The following HMBOX1 variants were observed in gnomAD, a reference collection of about 807,000 sequenced individuals.
HMBOX1 encodes homeobox containing 1.
Under a neutral mutation model 54.5 loss-of-function variants are expected in HMBOX1, and 14 were observed. That is an observed-to-expected ratio of 0.26 (90% CI 0.17 to 0.40). The LOEUF is 0.40. Ranked by LOEUF, HMBOX1 falls within the 10% of genes least tolerant of loss-of-function variation. HMBOX1 has a pLI of 1.00. For synonymous variants in HMBOX1, 160 were observed against 181.0 expected (o/e 0.88, Z 0.93); for missense variants, 332 against 514.4 (o/e 0.65, Z 3.43).
intron 1 of HMBOX1, chr8:28,924,786 A>G (rs1233101544): frequency 6.6e-6 from 1 of 151,486 alleles, no homozygotes; most frequent in East Asian, 1.9e-4. Context: ...CTAATTTTGT[A>G]TTTTTAGTAG....
At chr8:28,945,951 T>C (rs1352766636) in intron 1 of HMBOX1, among the ~76,000 whole-genome samples, 1 of 151,110 alleles carries the variant, frequency 6.6e-6, no homozygotes, top group African/African-American at 2.4e-5. Flanking sequence ...ATTCTTTTTT[T>C]TTTTTTTTTT....
At chr8:28,998,856 G>C (rs1026889529) in intron 4 of HMBOX1, among the ~76,000 whole-genome samples, 2 of 151,840 alleles carry the variant, frequency 1.3e-5, no homozygotes, top group African/African-American at 4.8e-5. Flanking sequence ...CTTAATTTAT[G>C]ACAATTAATA....
At chr8:28,971,086 CTTT>C (rs146543031) in intron 3 of HMBOX1, among the ~76,000 whole-genome samples, 1,743 of 83,190 alleles carry the variant, frequency 0.021, 61 homozygotes, top group African/African-American at 0.068. Flanking sequence ...AAGAAATCTA[CTTT>C]TTTTTTTTTT....
chr8:29,012,253 G>A (rs1055868639), intron 5 of HMBOX1, among the ~76,000 whole-genome samples: 1 of 152,118 alleles, frequency 6.6e-6, no homozygotes, highest in Non-Finnish European at 1.5e-5. Context: ...AAAGAATTTG[G>A]AGCTACTATT....
At chr8:28,892,531 C>T (rs1394954366) in intron 1 of HMBOX1, among the ~76,000 whole-genome samples, 3 of 152,030 alleles carry the variant, frequency 2.0e-5, no homozygotes, top group Admixed American at 2.0e-4. Flanking sequence ...TGAATATATT[C>T]CCCAAACTTA....
intron 1 of HMBOX1, among the ~76,000 whole-genome samples, chr8:28,919,162 C>A (rs1817107921): frequency 6.6e-6 from 1 of 152,106 alleles, no homozygotes; most frequent in Non-Finnish European, 1.5e-5. Context: ...TTTGACTGTG[C>A]CTTTGTTTGT....
chr8:28,919,631 G>A (rs1817195972), intron 1 of HMBOX1, among the ~76,000 whole-genome samples: 1 of 152,024 alleles, frequency 6.6e-6, no homozygotes, highest in African/African-American at 2.4e-5. Flanking sequence ...GGATATGGAG[G>A]GCCAACTGTA....
At chr8:28,918,771 A>G (rs939090736) in intron 1 of HMBOX1, among the ~76,000 whole-genome samples, 9 of 128,692 alleles carry the variant, frequency 7.0e-5, no homozygotes, top group Non-Finnish European at 1.2e-4. Flanking sequence ...TTAAAGTAGT[A>G]AGTATCACTG....
intron 1 of HMBOX1, among the ~76,000 whole-genome samples, chr8:28,927,625 C>T (rs1818760422): frequency 6.6e-6 from 1 of 152,026 alleles, no homozygotes; most frequent in African/African-American, 2.4e-5. Context: ...GAATCTGCCC[C>T]CACAACCCAG....
chr8:28,961,252 G>A (rs778628506), intron 1 of HMBOX1, among the ~76,000 whole-genome samples: 3 of 151,976 alleles, frequency 2.0e-5, no homozygotes, highest in South Asian at 4.2e-4. Context: ...CCATTTTAAC[G>A]TATATAGTTC....
chr8:29,020,157 G>C (rs2133017210), intron 6 of HMBOX1, among the ~76,000 whole-genome samples: 1 of 152,188 alleles, frequency 6.6e-6, no homozygotes, highest in South Asian at 2.1e-4. Flanking sequence ...TATTCTTTTT[G>C]AAAATTTCTT....
At chr8:29,047,559 C>CTT in intron 8 of HMBOX1, 106 bp downstream of exon 8, 2 of 488,270 alleles carry the variant, frequency 4.1e-6, no homozygotes, top group South Asian at 2.7e-5. Context: ...AGGATCCTAA[C>CTT]TTCTCTTTTT....
chr8:28,927,547 G>C (rs945676013), intron 1 of HMBOX1, among the ~76,000 whole-genome samples: 7 of 151,956 alleles, frequency 4.6e-5, no homozygotes, highest in Non-Finnish European at 7.4e-5. Flanking sequence ...AAAAAGAGAA[G>C]GAAGAGAGGG....
chr8:28,893,674 GCAACAAAT>G (rs1353579743), intron 1 of HMBOX1, among the ~76,000 whole-genome samples: 1 of 152,110 alleles, frequency 6.6e-6, no homozygotes, highest in Non-Finnish European at 1.5e-5. Context: ...AAAATATGTG[GCAACAAAT>G]CTGTCATTGT....
chr8:28,949,710 A>G (rs1823061865), intron 1 of HMBOX1: 1 of 152,224 alleles, frequency 6.6e-6, no homozygotes, highest in African/African-American at 2.4e-5. Context: ...GGCTGCAGCA[A>G]TTGATAAGAA....
chr8:28,953,911 T>C (rs753552540), intron 1 of HMBOX1, among the ~76,000 whole-genome samples: 3 of 152,216 alleles, frequency 2.0e-5, no homozygotes, highest in Admixed American at 6.5e-5. Flanking sequence ...GTATGTTAGC[T>C]GTATGCAGGC....
intron 8 of HMBOX1, 130 bp downstream of exon 8, chr8:29,047,583 T>TTTTG: frequency 1.9e-6 from 1 of 528,274 alleles, no homozygotes; most frequent in Non-Finnish European, 3.4e-6. Context: ...TTTTTTTTTT[T>TTTTG]TGAGACGGAG....
chr8:28,973,192 A>G lies in HMBOX1; in HGVS notation c.500+2673A>G, dbSNP rs17059588. Among the ~76,000 whole-genome samples the G allele has an allele frequency of 3.6e-3, 549 of 152,272 alleles. 3 individuals carry two copies. The highest frequency in any genetic ancestry group is 0.012 in the African/African-American group (489 of 41,552). ...GGAAAGTTTATTGGATCACATTGTC[A>G]CTTATAATCATTAAAACCATGATGT... On this transcript the variant is annotated intron_variant, in intron 3 of 9. Transcript: ENST00000287701.
intron 1 of HMBOX1, among the ~76,000 whole-genome samples, chr8:28,905,967 TC>T (rs1487998567): frequency 2.6e-5 from 4 of 152,242 alleles, no homozygotes; most frequent in Non-Finnish European, 5.9e-5. Flanking sequence ...ATATGCGTTT[TC>T]AGAATATATG....
Sources: gnomAD v4.1 joint callset for allele counts (sites outside exome capture counted in the v4.1 genomes callset) on GRCh38, gnomAD v4.1.1 for gene constraint, MANE v1.5 for transcripts, NCBI Gene and HGNC (gene_info 2026-07-23, HGNC 2026-07-21) for gene names.